The following FGFR1 variants were observed in gnomAD, a reference collection of about 807,000 sequenced individuals.
The protein encoded by FGFR1 is fibroblast growth factor receptor 1.
A neutral mutation model predicts 93.7 loss-of-function variants in FGFR1; 18 were observed. The ratio of observed to expected loss-of-function variants is 0.19; its 90% CI spans 0.13 to 0.28. The LOEUF (loss-of-function observed/expected upper bound fraction) is 0.28, where lower values mean the gene tolerates loss of function less well. FGFR1 is among the 10% of genes least tolerant of loss of function. FGFR1 has a pLI of 1.00. For missense variants in FGFR1, 731 were observed against 1,080.4 expected (o/e 0.68, Z 4.53); for synonymous variants, 448 against 429.3 (o/e 1.04, Z -0.54).
At chr8:38,440,462 G>A (rs1171673925) in intron 2 of FGFR1, 2 of 1,102,068 alleles carry the variant, frequency 1.8e-6, no homozygotes, top group African/African-American at 3.2e-5. Context: ...CAAAAATGGG[G>A]GGCACAGGTA....
chr8:38,466,973 A>G (rs1202242521), intron 1 of FGFR1, among the ~76,000 whole-genome samples: 4 of 150,796 alleles, frequency 2.7e-5, no homozygotes, highest in Non-Finnish European at 5.9e-5. Context: ...CCCATCTACA[A>G]GGTCCATAAA....
chr8:38,459,178 ACCATCTCTATTTT>A (rs1833763188), intron 1 of FGFR1, among the ~76,000 whole-genome samples: 1 of 152,170 alleles, frequency 6.6e-6, no homozygotes, highest in Admixed American at 6.5e-5. Flanking sequence ...CGTGGGGGTG[ACCATCTCTATTTT>A]CCAGGTGGCT....
chr8:38,429,833 G>A lies in FGFR1; in HGVS notation c.207C>T (p.Asp69=), dbSNP rs145220136. 1.7e-5 allele frequency: 28 copies of A among 1,613,854 alleles called. No homozygotes were observed. The highest frequency in any genetic ancestry group is 4.5e-5 in the East Asian group (2 of 44,880). The stretch of plus-strand genomic sequence containing the variant: ...GGTTGCTTTCCGCCAGCTGCACCCC[G>A]TCCCGCAGCCAGTTGATGCTCTGCA... ...DDVQSINWLR[D]GVQLAESNRT... Residue 69 remains aspartate (D), a synonymous_variant, in exon 3 of 18, where the codon GAC becomes GAT. Transcript: ENST00000447712. The surrounding 1 kb of genome is among the most constrained non-coding windows in gnomAD (Gnocchi z 4.4).
intron 1 of FGFR1, among the ~76,000 whole-genome samples, chr8:38,464,188 T>C (rs1256822489): frequency 6.6e-6 from 1 of 151,812 alleles, no homozygotes; most frequent in Non-Finnish European, 1.5e-5. Context: ...TGGTGGCGCA[T>C]GCTTGCAATC....
chr8:38,443,829 G>A (rs181776540), intron 2 of FGFR1, among the ~76,000 whole-genome samples: 12 of 152,152 alleles, frequency 7.9e-5, no homozygotes, highest in East Asian at 1.9e-4. Flanking sequence ...TGAGGTGGGC[G>A]GATCACATGA....
chr8:38,450,513 T>A (rs1830717977), intron 2 of FGFR1, among the ~76,000 whole-genome samples: 1 of 152,082 alleles, frequency 6.6e-6, no homozygotes, highest in Non-Finnish European at 1.5e-5. Context: ...CCCAGGGCCA[T>A]TCATCACCGC....
At chr8:38,434,257 C>T in intron 2 of FGFR1, 1 of 161,984 alleles carries the variant, frequency 6.2e-6, no homozygotes, top group East Asian at 1.6e-4. Flanking sequence ...CTCAAGCAAC[C>T]CACCCACCTT....
chr8:38,458,136 T>C (rs1340218491), intron 1 of FGFR1, among the ~76,000 whole-genome samples: 1 of 152,188 alleles, frequency 6.6e-6, no homozygotes, highest in East Asian at 1.9e-4. Flanking sequence ...ACAAAGTGAA[T>C]GGTCTCATGA....
intron 2 of FGFR1, among the ~76,000 whole-genome samples, chr8:38,446,438 T>G (rs1394616156): frequency 1.3e-5 from 2 of 151,778 alleles, no homozygotes; most frequent in Non-Finnish European, 2.9e-5. Context: ...CTCGAACTCC[T>G]GAGCTCAGGC....
chr8:38,418,394 AC>A (rs760884283), intron 9 of FGFR1, 21 bp from the exon 10 acceptor site: 3 of 1,610,634 alleles, frequency 1.9e-6, no homozygotes, highest in East Asian at 4.5e-5. Context: ...GAGTGGGGTC[AC>A]CCTAGAGCAA....
At chr8:38,459,161 A>T (rs1378212207) in intron 1 of FGFR1, among the ~76,000 whole-genome samples, 1 of 152,178 alleles carries the variant, frequency 6.6e-6, no homozygotes, top group South Asian at 2.1e-4. Flanking sequence ...GGGCACTGTC[A>T]AGGCTACGTG....
intron 2 of FGFR1, among the ~76,000 whole-genome samples, chr8:38,454,144 G>C (rs1831982099): frequency 1.3e-5 from 2 of 151,918 alleles, no homozygotes. Flanking sequence ...TCCTCATCAA[G>C]ATCTTCAGCC....
At chr8:38,447,111 ACACACACACAC>A (rs1829568412) in intron 2 of FGFR1, among the ~76,000 whole-genome samples, 1 of 87,324 alleles carries the variant, frequency 1.1e-5, no homozygotes, top group Non-Finnish European at 2.4e-5. Context: ...ACACACACAC[ACACACACACAC>A]ACACACACAC....
At chr8:38,434,049 T>G (rs1824276752) in intron 2 of FGFR1, among the ~76,000 whole-genome samples, 1 of 152,242 alleles carries the variant, frequency 6.6e-6, no homozygotes, top group African/African-American at 2.4e-5. Flanking sequence ...TTCTTTCACT[T>G]AGCATGTGTT....
chr8:38,448,727 G>A (rs1038475057), intron 2 of FGFR1, among the ~76,000 whole-genome samples: 1 of 152,044 alleles, frequency 6.6e-6, no homozygotes, highest in East Asian at 1.9e-4. Context: ...GGCTGAGGCG[G>A]GTGGATCACT....
rs1235956660 is a variant in FGFR1 at position 38,411,852 on chromosome 8, G to A, written c.*1776C>T. Reference sequence around the variant, plus strand: ...GACAGGAAGAACTGTAAGAAGCCAAGATCTGCGACAGTCCCAACAAATACA... The same window carrying A: ...GACAGGAAGAACTGTAAGAAGCCAAAATCTGCGACAGTCCCAACAAATACA... On this transcript the variant is annotated 3_prime_UTR_variant, in exon 18 of 18. Transcript: ENST00000447712. The A allele has an allele frequency of 1.7e-5, 4 of 228,668 alleles. No individual in the cohort carries two copies. Among genetic ancestry groups the A allele is most frequent in the African/African-American group, 8.9e-5 (4 of 45,042 alleles). The allele number at this position is 228,668 out of a possible 1,614,324, so 14.2% of individuals were successfully genotyped here.
At position 38,426,084 on chromosome 8, in the gene FGFR1, C is replaced by A; in HGVS notation, c.745+38G>T. On this transcript the variant is annotated intron_variant, in intron 6 of 17. Transcript: ENST00000447712. This position sits in a 1 kb window ranked among gnomAD's most constrained non-coding sequence, Gnocchi z 4.1. ...TGTGTTCTCCAAGCCTGGCTCTTCCCACTAAACTCATTCCTCCTGCTGCCT... is the reference window on the plus strand; with the variant it reads ...TGTGTTCTCCAAGCCTGGCTCTTCCAACTAAACTCATTCCTCCTGCTGCCT... The A allele has an allele frequency of 1.2e-6, 2 of 1,613,772 alleles. No individual in the cohort carries two copies. The highest frequency in any genetic ancestry group is 8.5e-7 in the Non-Finnish European group (1 of 1,179,948).
Position 38,428,431 on chromosome 8 carries a change from A to C in FGFR1, c.363T>G (p.Ala121=). The C allele has an allele frequency of 6.2e-7, 1 of 1,612,036 alleles. No individual in the cohort carries two copies. Among genetic ancestry groups the C allele is most frequent in the Non-Finnish European group, 8.5e-7 (1 of 1,179,218 alleles). The change falls in exon 4 of 18, where the codon GCT becomes GCG. Residue 121 remains alanine (A), a synonymous_variant. Coordinates refer to ENST00000447712, the MANE Select transcript of FGFR1 (RefSeq NM_023110.3). ...CATCATCATCCTCCGAGGAGGGGAG[A>C]GCATCTATGGGAAGAAGAAGGGGCA... ...TTYFSVNVSD[A]LPSSEDDDDD... is the part of the protein sequence containing the mutation.
At position 38,416,447 on chromosome 8, in the gene FGFR1, A is replaced by C. The variant is rs1490746946; in HGVS notation, c.1664-387T>G. 1.1e-4 allele frequency among the ~76,000 whole-genome samples: 11 copies of C among 97,392 alleles called. No individual in the cohort carries two copies. In the Admixed American group the frequency reaches 1.1e-3, roughly 10 times the overall value. 63.9% of individuals were successfully genotyped at this position (97,392 alleles called of 152,430 possible). ...TTACAGGCATGAACAATGCCTGGCTAATTTTTTTTTTTTTTTTTTTTTTTT... is the reference window on the plus strand; with the variant it reads ...TTACAGGCATGAACAATGCCTGGCTCATTTTTTTTTTTTTTTTTTTTTTTT... On this transcript the variant is annotated intron_variant, in intron 12 of 17. Transcript: ENST00000447712.
Sources: allele counts gnomAD v4.1 joint callset (sites outside exome capture counted in the v4.1 genomes callset), GRCh38; gene constraint gnomAD v4.1.1; non-coding constraint Gnocchi (gnomAD v3.1); transcripts MANE v1.5; gene names NCBI Gene and HGNC (gene_info 2026-07-23, HGNC 2026-07-21).